TRPM6: variants seen among roughly 807,000 people sequenced by gnomAD.
The protein encoded by TRPM6 is transient receptor potential cation channel subfamily M member 6, also known as channel kinase 2.
A neutral mutation model predicts 247.6 loss-of-function variants in TRPM6; 111 were observed. The ratio of observed to expected loss-of-function variants is 0.45; its 90% CI spans 0.38 to 0.52. The LOEUF (loss-of-function observed/expected upper bound fraction) is 0.52. TRPM6 is among the 20% of genes least tolerant of loss of function. The pLI is 0.00. For synonymous variants in TRPM6, 892 were observed against 853.8 expected (o/e 1.04, Z -0.78); for missense variants, 2,126 against 2,421.5 (o/e 0.88, Z 2.56).
intron 27 of TRPM6, among the ~76,000 whole-genome samples, chr9:74,760,399 A>G (rs1156809049): frequency 3.3e-5 from 5 of 152,212 alleles, no homozygotes; most frequent in Non-Finnish European, 7.3e-5. Flanking sequence ...ACAAGTTTAT[A>G]GCCTAGGAGC....
chr9:74,826,275 G>A (rs1009621991), intron 7 of TRPM6, among the ~76,000 whole-genome samples: 2 of 152,158 alleles, frequency 1.3e-5, no homozygotes, highest in African/African-American at 2.4e-5. Flanking sequence ...TCTGGCCAAG[G>A]TCACAGGCAC....
In TRPM6 at chr9:74,775,820, T is replaced by C. The variant is rs984753303; in HGVS notation, c.3403+63A>G. ...CTGAACTTAATTTATAATACTCCAG[T>C]GCATCTTTGCCTTGAATCCTACTTT... On this transcript the variant is annotated intron_variant, in intron 24 of 38. Coordinates refer to ENST00000360774, the MANE Select transcript of TRPM6 (RefSeq NM_017662.5). The C allele has an allele frequency of 2.6e-6, 4 of 1,528,098 alleles. No homozygotes were observed. The African/African-American group carries it at 4.1e-5, about 16-fold the overall frequency. The allele number at this position is 1,528,098 out of a possible 1,614,324, so 94.7% of individuals were successfully genotyped here.
chr9:74,848,494 A>T (rs1310753980), intron 3 of TRPM6, among the ~76,000 whole-genome samples: 10 of 152,170 alleles, frequency 6.6e-5, no homozygotes, highest in Admixed American at 6.5e-4. Flanking sequence ...AAACCCATAA[A>T]TTGCTTTTTT....
intron 7 of TRPM6, among the ~76,000 whole-genome samples, chr9:74,825,258 T>C (rs915357058): frequency 3.3e-5 from 5 of 152,072 alleles, no homozygotes; most frequent in African/African-American, 1.2e-4. Context: ...TGAGACTCAG[T>C]CTCCAGAAAA....
intron 16 of TRPM6, among the ~76,000 whole-genome samples, chr9:74,800,903 T>G (rs1163225458): frequency 2.3e-5 from 2 of 85,226 alleles, no homozygotes; most frequent in African/African-American, 1.3e-4. Flanking sequence ...TAATAAAGTG[T>G]GTTTTTTTTT....
In TRPM6 at chr9:74,782,317, C is replaced by T. The variant is rs952956075; in HGVS notation, c.3209+45G>A. 5 of 1,424,060 alleles carry T rather than the reference C, an allele frequency of 3.5e-6. No individual in the cohort carries two copies. In the Admixed American group the frequency reaches 5.0e-5, roughly 14 times the overall value. 88.2% of individuals were successfully genotyped at this position (1,424,060 alleles called of 1,614,324 possible). ...ATGTGAATCTACTCAACATATCTGC[C>T]CACATTTCTTATTTAAATAATCATA... On this transcript the variant is annotated intron_variant, in intron 23 of 38. Transcript: ENST00000360774.
At chr9:74,868,715 CA>C (rs1564059293) in intron 1 of TRPM6, among the ~76,000 whole-genome samples, 1 of 152,040 alleles carries the variant, frequency 6.6e-6, no homozygotes. Context: ...TGAAAGACAA[CA>C]AAGGTTTTAA....
intron 19 of TRPM6, among the ~76,000 whole-genome samples, chr9:74,789,846 A>G (rs1827834363): frequency 6.6e-6 from 1 of 151,624 alleles, no homozygotes; most frequent in African/African-American, 2.4e-5. Context: ...CTGTAATCCC[A>G]GTTACTCAGG....
At chr9:74,787,054 G>T (rs1587505111) in intron 20 of TRPM6, among the ~76,000 whole-genome samples, 1 of 148,502 alleles carries the variant, frequency 6.7e-6, no homozygotes, top group Non-Finnish European at 1.5e-5. Context: ...CAAAAATTAG[G>T]CTGGGTGCAG....
chr9:74,782,499 G>C (rs1165533654), intron 22 of TRPM6, 23 bp from the exon 23 acceptor site: 2 of 1,583,178 alleles, frequency 1.3e-6, no homozygotes, highest in African/African-American at 2.7e-5. Context: ...AATTTTAAAA[G>C]AATGAAAGAT....
intron 4 of TRPM6, among the ~76,000 whole-genome samples, chr9:74,840,550 C>A (rs910765449): frequency 3.3e-5 from 5 of 152,204 alleles, no homozygotes; most frequent in African/African-American, 1.2e-4. Flanking sequence ...TGCGGTGGCT[C>A]ACGCCTGTAA....
At position 74,816,787 on chromosome 9, in the gene TRPM6, A is replaced by G. The variant is rs769301205; in HGVS notation, c.1208-18T>C. On this transcript the variant is annotated intron_variant, in intron 10 of 38. Transcript: ENST00000360774. ...ATTTGTGCCTAGGGTAAAAGAAAGG[A>G]ACAATCATATATTCTTTTCAAGATA... 58 of 1,612,976 alleles carry G rather than the reference A, an allele frequency of 3.6e-5. No individual in the cohort carries two copies. Among genetic ancestry groups the G allele is most frequent in the Middle Eastern group, 1.6e-4 (1 of 6,082 alleles).
intron 25 of TRPM6, among the ~76,000 whole-genome samples, chr9:74,766,988 C>A (rs781326826): frequency 6.6e-6 from 1 of 152,142 alleles, no homozygotes; most frequent in Admixed American, 6.5e-5. Context: ...CTAGACAGGC[C>A]GACTCCATAT....
chr9:74,763,254 G>T, intron 25 of TRPM6, 120 bp from the exon 26 acceptor site: 1 of 979,240 alleles, frequency 1.0e-6, no homozygotes, highest in Non-Finnish European at 1.6e-6. Context: ...CCTAGGTTAA[G>T]TCTGTCTTTT....
chr9:74,830,600 A>G (rs1829508846), intron 6 of TRPM6, among the ~76,000 whole-genome samples: 1 of 151,958 alleles, frequency 6.6e-6, no homozygotes, highest in Non-Finnish European at 1.5e-5. Flanking sequence ...TGTTTGAGAC[A>G]GGGTCTTACT....
intron 23 of TRPM6, among the ~76,000 whole-genome samples, chr9:74,778,860 A>T (rs1485545978): frequency 6.6e-6 from 1 of 151,814 alleles, no homozygotes; most frequent in Non-Finnish European, 1.5e-5. Flanking sequence ...TCGAGTGTAC[A>T]CCCCTAGTGA....
rs1825227472 is a variant in TRPM6, at chr9:74,723,899, T to C, written c.*714A>G. 6.8e-6 allele frequency: 1 copy of C among 146,138 alleles called. No individual in the cohort carries two copies. Among genetic ancestry groups the C allele is most frequent in the Non-Finnish European group, 1.5e-5 (1 of 66,280 alleles). The allele number at this position is 146,138 out of a possible 1,614,324, so 9.1% of individuals were successfully genotyped here. A position where few individuals can be genotyped will look rare whatever the true frequency, so the allele number is the denominator to read the frequency against. ...CATATATATTATATATATAAAAATA[T>C]ATATAATATACATATTCCATATATA... On this transcript the variant is annotated 3_prime_UTR_variant, in exon 39 of 39. Coordinates refer to ENST00000360774, the MANE Select transcript of TRPM6 (RefSeq NM_017662.5).
intron 3 of TRPM6, among the ~76,000 whole-genome samples, chr9:74,845,210 T>C (rs1477610474): frequency 3.3e-5 from 5 of 152,098 alleles, no homozygotes; most frequent in East Asian, 1.9e-4. Context: ...ACTGGAAAAA[T>C]GGCACTGACA....
At chr9:74,800,024 G>A (rs991724081) in intron 17 of TRPM6, 2 of 555,150 alleles carry the variant, frequency 3.6e-6, no homozygotes, top group Admixed American at 3.0e-5. Flanking sequence ...TCCCAAAGCT[G>A]CACGCTCTGT....
Sources: gnomAD v4.1 joint callset for allele counts (sites outside exome capture counted in the v4.1 genomes callset) on GRCh38, gnomAD v4.1.1 for gene constraint, MANE v1.5 for transcripts, NCBI Gene and HGNC (gene_info 2026-07-23, HGNC 2026-07-21) for gene names.